The following PARD3 variants were observed in gnomAD, a reference collection of about 807,000 sequenced individuals.
PARD3 encodes par-3 family cell polarity regulator.
PARD3 carries 75 observed loss-of-function variants against 155.4 expected under a neutral mutation model. That is an observed-to-expected ratio of 0.48 (90% CI 0.40 to 0.58). The LOEUF (loss-of-function observed/expected upper bound fraction) is 0.58. Among genes scored for constraint, PARD3 ranks in the 20% least tolerant of loss-of-function variants. The probability of loss-of-function intolerance (pLI) is 0.00; values close to 1 mark genes in which losing one functional copy is unlikely to be tolerated. For missense variants in PARD3, 1,642 were observed against 1,721.7 expected (o/e 0.95, Z 0.82); for synonymous variants, 576 against 610.5 (o/e 0.94, Z 0.83).
At chr10:34,715,140 C>T (rs537003598) in intron 1 of PARD3, among the ~76,000 whole-genome samples, 1 of 150,528 alleles carries the variant, frequency 6.6e-6, no homozygotes, top group African/African-American at 2.4e-5. Flanking sequence ...CACAGTGGTG[C>T]TATCATAGCT....
At chr10:34,570,887 T>C (rs1397665565) in intron 2 of PARD3, among the ~76,000 whole-genome samples, 2 of 152,174 alleles carry the variant, frequency 1.3e-5, no homozygotes, top group African/African-American at 4.8e-5. Context: ...GTCCTGAGGA[T>C]CCCAGGTGTC....
At chr10:34,687,958 C>G (rs1192568549) in intron 2 of PARD3, among the ~76,000 whole-genome samples, 1 of 144,456 alleles carries the variant, frequency 6.9e-6, no homozygotes, top group African/African-American at 2.6e-5. Context: ...AGGCTCAATG[C>G]GATCCTCCCA....
chr10:34,647,265 G>A (rs1468149278), intron 2 of PARD3, among the ~76,000 whole-genome samples: 1 of 152,068 alleles, frequency 6.6e-6, no homozygotes, highest in Non-Finnish European at 1.5e-5. Context: ...ATGAGGACAG[G>A]GGCTTTGTCT....
chr10:34,321,394 T>C (rs75052725), intron 19 of PARD3, among the ~76,000 whole-genome samples: 3,239 of 152,296 alleles, frequency 0.021, 60 homozygotes, highest in Non-Finnish European at 0.032. Context: ...GATTTTTTTC[T>C]CTTTAATTTT....
intron 2 of PARD3, among the ~76,000 whole-genome samples, chr10:34,595,945 T>C (rs2089211429): frequency 6.6e-6 from 1 of 152,100 alleles, no homozygotes; most frequent in Admixed American, 6.5e-5. Context: ...TCCCCAACAT[T>C]GTGAGACCCT....
At position 34,392,164 on chromosome 10, in the gene PARD3, A is replaced by C. The variant is rs144394893; in HGVS notation, c.890+7166T>G. 9.0e-3 allele frequency among the ~76,000 whole-genome samples: 1,365 copies of C among 152,306 alleles called. 22 individuals are homozygous for C. The highest frequency in any genetic ancestry group is 0.031 in the African/African-American group (1,276 of 41,572). The stretch of plus-strand genomic sequence containing the variant: ...ATATAAAGAAAGAAAGAAAGTAAAA[A>C]AAAGAATAAATCAATTTTAAAAATA... On this transcript the variant is annotated intron_variant, in intron 7 of 24. Coordinates refer to ENST00000374788, the MANE Select transcript of PARD3 (RefSeq NM_001184785.2).
chr10:34,627,945 T>C (rs557688555), intron 2 of PARD3, among the ~76,000 whole-genome samples: 2 of 152,256 alleles, frequency 1.3e-5, no homozygotes, highest in South Asian at 4.2e-4. Flanking sequence ...GAGTCCAAAG[T>C]TGCTGCAAGC....
intron 1 of PARD3, among the ~76,000 whole-genome samples, chr10:34,798,691 T>C (rs1242668133): frequency 8.1e-6 from 1 of 123,666 alleles, no homozygotes; most frequent in Non-Finnish European, 1.6e-5. Flanking sequence ...GGGAACAGAG[T>C]GAGACTCTGT....
intron 14 of PARD3, among the ~76,000 whole-genome samples, chr10:34,350,092 CATAAATATT>C (rs1384878378): frequency 6.6e-6 from 1 of 152,170 alleles, no homozygotes; most frequent in Non-Finnish European, 1.5e-5. Context: ...TAGTTGACTA[CATAAATATT>C]TAACAGAAGA....
intron 1 of PARD3, among the ~76,000 whole-genome samples, chr10:34,699,476 T>C (rs1166733866): frequency 6.6e-6 from 1 of 152,218 alleles, no homozygotes; most frequent in African/African-American, 2.4e-5. Flanking sequence ...CTGGCAGCTT[T>C]CATACCATAA....
intron 1 of PARD3, among the ~76,000 whole-genome samples, chr10:34,723,097 ACTTTGGGAGG>A (rs1356440906): frequency 6.6e-6 from 1 of 152,118 alleles, no homozygotes; most frequent in Non-Finnish European, 1.5e-5. Context: ...TAATTCCAGC[ACTTTGGGAGG>A]CTGAGGTGGG....
intron 2 of PARD3, among the ~76,000 whole-genome samples, chr10:34,550,310 C>T (rs2084438249): frequency 6.6e-6 from 1 of 152,160 alleles, no homozygotes; most frequent in Non-Finnish European, 1.5e-5. Flanking sequence ...GTCCTGGATT[C>T]CAGCGATCCA....
At chr10:34,257,203 G>C (rs533767316) in intron 22 of PARD3, among the ~76,000 whole-genome samples, 1 of 152,176 alleles carries the variant, frequency 6.6e-6, no homozygotes, top group African/African-American at 2.4e-5. Context: ...TTTAGGGCTC[G>C]ATAAAGTCTC....
At chr10:34,797,441 C>CGGTG (rs1291111257) in intron 1 of PARD3, among the ~76,000 whole-genome samples, 2 of 152,150 alleles carry the variant, frequency 1.3e-5, no homozygotes, top group Non-Finnish European at 2.9e-5. Flanking sequence ...CGTGAGGCAC[C>CGGTG]GCACCTGGCC....
At chr10:34,809,123 T>C (rs1367272289) in intron 1 of PARD3, among the ~76,000 whole-genome samples, 2 of 152,232 alleles carry the variant, frequency 1.3e-5, no homozygotes, top group Admixed American at 1.3e-4. Context: ...TAGTTTCCAT[T>C]ACAAGCTGTT....
intron 20 of PARD3, among the ~76,000 whole-genome samples, chr10:34,313,370 G>A (rs1017116368): frequency 1.3e-5 from 2 of 152,316 alleles, no homozygotes; most frequent in African/African-American, 4.8e-5. Context: ...TAGTATGTAT[G>A]AGGAGAAATT....
chr10:34,216,280 C>T (rs192191708), intron 22 of PARD3, among the ~76,000 whole-genome samples: 31 of 152,272 alleles, frequency 2.0e-4, no homozygotes, highest in African/African-American at 6.5e-4. Context: ...GCTATTTGTA[C>T]GACTACCTGC....
At chr10:34,577,671 A>G (rs1198481439) in intron 2 of PARD3, among the ~76,000 whole-genome samples, 3 of 152,246 alleles carry the variant, frequency 2.0e-5, no homozygotes, top group East Asian at 1.9e-4. Flanking sequence ...TAAAATGGGG[A>G]TGAAAAAAAA....
chr10:34,196,719 G>A (rs899000360), intron 22 of PARD3, among the ~76,000 whole-genome samples: 3 of 151,702 alleles, frequency 2.0e-5, no homozygotes, highest in Admixed American at 6.6e-5. Context: ...GACTACAGGT[G>A]CCCGCCACCA....
Sources: gnomAD v4.1 joint callset for allele counts (sites outside exome capture counted in the v4.1 genomes callset) on GRCh38, gnomAD v4.1.1 for gene constraint, MANE v1.5 for transcripts, NCBI Gene and HGNC (gene_info 2026-07-23, HGNC 2026-07-21) for gene names.